Variants in KL observed in about 807,000 individuals in gnomAD.
KL encodes alpha-klotho.
KL carries 62 observed loss-of-function variants against 84.2 expected under a neutral mutation model. That is an observed-to-expected ratio of 0.74 (90% CI 0.60 to 0.91). KL has a LOEUF of 0.91. Ranked by LOEUF, KL falls within the 40% of genes least tolerant of loss-of-function variation. The pLI is 0.00. For missense variants in KL, 1,261 were observed against 1,305.7 expected (o/e 0.97, Z 0.53); for synonymous variants, 528 against 528.0 (o/e 1.00, Z 0.00).
At chr13:33,020,386 G>A (rs1004632852) in intron 1 of KL, among the ~76,000 whole-genome samples, 1 of 152,062 alleles carries the variant, frequency 6.6e-6, no homozygotes, top group Non-Finnish European at 1.5e-5. Context: ...ATAGTGGAGG[G>A]CTCAGGGCTC....
chr13:33,062,672 C>A (rs1301684264), intron 4 of KL, among the ~76,000 whole-genome samples: 225 of 68,092 alleles, frequency 3.3e-3, no homozygotes, highest in Middle Eastern at 9.8e-3. Context: ...GACTCCATCT[C>A]AAAAAAAAAA....
intron 1 of KL, among the ~76,000 whole-genome samples, chr13:33,019,518 A>G (rs914266248): frequency 1.3e-5 from 2 of 152,062 alleles, no homozygotes; most frequent in Non-Finnish European, 2.9e-5. Context: ...CTAACTTACA[A>G]ATGGGCTAAG....
chr13:33,049,241 A>G (rs542653784), intron 1 of KL, among the ~76,000 whole-genome samples: 21 of 152,306 alleles, frequency 1.4e-4, no homozygotes, highest in African/African-American at 5.1e-4. Flanking sequence ...AGCTTATGAG[A>G]GAGTTTTCCT....
intron 1 of KL, among the ~76,000 whole-genome samples, chr13:33,042,827 A>G (rs1403236244): frequency 2.6e-5 from 4 of 152,010 alleles, no homozygotes; most frequent in South Asian, 4.1e-4. Flanking sequence ...GATTACAGGC[A>G]TGTGCCACCA....
At chr13:33,041,001 C>T (rs1443400403) in intron 1 of KL, among the ~76,000 whole-genome samples, 1 of 152,140 alleles carries the variant, frequency 6.6e-6, no homozygotes, top group African/African-American at 2.4e-5. Context: ...TCCAAACCAT[C>T]ATGATCTTTT....
chr13:33,020,044 G>A (rs1174773333), intron 1 of KL, among the ~76,000 whole-genome samples: 1 of 152,150 alleles, frequency 6.6e-6, no homozygotes, highest in Non-Finnish European at 1.5e-5. Flanking sequence ...TTAGAATCAA[G>A]TTGGAAATAC....
chr13:33,051,134 T>C (rs1871734142), intron 1 of KL, among the ~76,000 whole-genome samples: 1 of 152,236 alleles, frequency 6.6e-6, no homozygotes, highest in South Asian at 2.1e-4. Flanking sequence ...TTGCAAACTC[T>C]GCATTAGGAG....
At chr13:33,037,949 T>C (rs1190324709) in intron 1 of KL, among the ~76,000 whole-genome samples, 1 of 152,220 alleles carries the variant, frequency 6.6e-6, no homozygotes, top group Non-Finnish European at 1.5e-5. Context: ...CTCTTTTTAT[T>C]CTGCACTTCC....
chr13:33,054,467 A>T (rs1871877875), intron 2 of KL, among the ~76,000 whole-genome samples, 190 bp downstream of exon 2: 1 of 152,230 alleles, frequency 6.6e-6, no homozygotes, highest in African/African-American at 2.4e-5. Context: ...ATTAATTTTT[A>T]AAAACCCATT....
chr13:33,028,854 T>C (rs1870870426), intron 1 of KL, among the ~76,000 whole-genome samples: 1 of 152,238 alleles, frequency 6.6e-6, no homozygotes, highest in Non-Finnish European at 1.5e-5. Context: ...AACCCAAAAC[T>C]ATTGTATAAC....
At chr13:33,037,568 G>T (rs999481507) in intron 1 of KL, among the ~76,000 whole-genome samples, 11 of 152,076 alleles carry the variant, frequency 7.2e-5, no homozygotes, top group African/African-American at 2.7e-4. Context: ...ATGTAACTTT[G>T]CAGTGTCCTC....
intron 1 of KL, among the ~76,000 whole-genome samples, chr13:33,043,161 T>A (rs781258901): frequency 1.3e-5 from 2 of 152,212 alleles, no homozygotes; most frequent in African/African-American, 2.4e-5. Flanking sequence ...GTGGTACTAT[T>A]TATACTCCCA....
intron 4 of KL, among the ~76,000 whole-genome samples, chr13:33,063,482 C>T (rs901928480): frequency 3.3e-5 from 5 of 151,980 alleles, no homozygotes; most frequent in Admixed American, 1.3e-4. Context: ...AGGAAGGCTA[C>T]GTAAAAGTGG....
At chr13:33,017,352 G>A in intron 1 of KL, 93 bp downstream of exon 1, 17 of 1,212,752 alleles carry the variant, frequency 1.4e-5, no homozygotes, top group Non-Finnish European at 1.9e-5. Flanking sequence ...GTCTCCCCCA[G>A]ACGAGGCTTC....
intron 1 of KL, among the ~76,000 whole-genome samples, chr13:33,037,812 C>T (rs1336729263): frequency 1.3e-5 from 2 of 151,876 alleles, no homozygotes; most frequent in African/African-American, 4.8e-5. Flanking sequence ...CCCATTTGTC[C>T]CAGCCAACAC....
At chr13:33,020,927 G>A (rs527802076) in intron 1 of KL, among the ~76,000 whole-genome samples, 65 of 152,198 alleles carry the variant, frequency 4.3e-4, no homozygotes, top group Non-Finnish European at 8.7e-4. Context: ...CAGCTAACAC[G>A]CTCCCTTGGG....
In KL at chr13:33,017,054, G is replaced by A. The variant is rs200611452; in HGVS notation, c.614G>A (p.Gly205Asp). Residue 205 changes from glycine to aspartate, a missense_variant, in exon 1 of 5, where the codon GGC becomes GAC. Physicochemically the swap from Gly to Asp is moderately conservative, Grantham distance 94 (BLOSUM62 -1). Transcript: ENST00000380099. ...CCCCAGCGCCTGCAGGACGCCTACG[G>A]CGGCTGGGCCAACCGCGCCCTGGCC... is the stretch of plus-strand genomic sequence containing the variant. The part of the protein sequence containing the change: ...DLPQRLQDAY[G>D]GWANRALADH... 896 of 1,601,268 alleles carry A rather than the reference G, an allele frequency of 5.6e-4. 5 individuals are homozygous for A. Among genetic ancestry groups the A allele is most frequent in the South Asian group, 3.2e-3 (288 of 90,524 alleles).
intron 1 of KL, among the ~76,000 whole-genome samples, chr13:33,050,838 A>C (rs1244658088): frequency 6.6e-6 from 1 of 152,220 alleles, no homozygotes; most frequent in Admixed American, 6.5e-5. Context: ...AGACACTCTC[A>C]CTTGCATTAT....
chr13:33,023,241 A>C (rs1448922630), intron 1 of KL, among the ~76,000 whole-genome samples: 3 of 152,246 alleles, frequency 2.0e-5, no homozygotes, highest in Non-Finnish European at 4.4e-5. Context: ...GATAACCAGC[A>C]GGCTCTACCA....
Sources: allele counts gnomAD v4.1 joint callset (sites outside exome capture counted in the v4.1 genomes callset), GRCh38; gene constraint gnomAD v4.1.1; transcripts MANE v1.5; gene names NCBI Gene and HGNC (gene_info 2026-07-23, HGNC 2026-07-21).